Variants in PDZRN3 observed in about 807,000 individuals in gnomAD.
PDZRN3 encodes the protein PDZ domain containing ring finger 3, also known as E3 ubiquitin-protein ligase PDZRN3.
PDZRN3 carries 38 observed loss-of-function variants against 85.7 expected under a neutral mutation model. The ratio of observed to expected loss-of-function variants is 0.44; its 90% CI spans 0.34 to 0.58. The LOEUF (loss-of-function observed/expected upper bound fraction) is 0.58. Ranked by LOEUF, PDZRN3 falls within the 20% of genes least tolerant of loss-of-function variation. PDZRN3 has a pLI of 0.01. For synonymous variants in PDZRN3, 759 were observed against 638.0 expected (o/e 1.19, Z -2.86); for missense variants, 1,629 against 1,506.4 (o/e 1.08, Z -1.35).
intron 3 of PDZRN3, among the ~76,000 whole-genome samples, chr3:73,481,689 T>C (rs1186532237): frequency 6.6e-6 from 1 of 152,152 alleles, no homozygotes; most frequent in Non-Finnish European, 1.5e-5. Flanking sequence ...ACCCATTGAG[T>C]TCATGAGCAG....
intron 1 of PDZRN3, among the ~76,000 whole-genome samples, chr3:73,622,336 G>A (rs1469372602): frequency 2.0e-5 from 3 of 152,244 alleles, no homozygotes; most frequent in Admixed American, 6.5e-5. Flanking sequence ...AGGAAAGGGG[G>A]CTGGGAGAGG....
chr3:73,386,676 C>T (rs900831491), intron 8 of PDZRN3, among the ~76,000 whole-genome samples: 2 of 152,236 alleles, frequency 1.3e-5, no homozygotes, highest in African/African-American at 2.4e-5. Flanking sequence ...GCTGCTTTTG[C>T]ACTAGAGTGA....
At chr3:73,556,270 T>C (rs1701693443) in intron 3 of PDZRN3, among the ~76,000 whole-genome samples, 2 of 152,078 alleles carry the variant, frequency 1.3e-5, no homozygotes, top group African/African-American at 4.8e-5. Flanking sequence ...TTTCCAAAAA[T>C]GGTTTCAGAA....
At chr3:73,415,066 C>T (rs749813257) in intron 3 of PDZRN3, among the ~76,000 whole-genome samples, 13 of 152,178 alleles carry the variant, frequency 8.5e-5, no homozygotes, top group Non-Finnish European at 1.6e-4. Context: ...GCTCAGCACA[C>T]GGCCTGGGGC....
chr3:73,613,700 G>T (rs561115033), intron 1 of PDZRN3, among the ~76,000 whole-genome samples: 20 of 152,088 alleles, frequency 1.3e-4, no homozygotes, highest in African/African-American at 4.3e-4. Context: ...CAGTAACCCC[G>T]ACCCTGAAGA....
At chr3:73,591,947 A>AT (rs1200472110) in intron 3 of PDZRN3, among the ~76,000 whole-genome samples, 3 of 152,148 alleles carry the variant, frequency 2.0e-5, no homozygotes, top group African/African-American at 7.2e-5. Context: ...ATCCTGACCT[A>AT]TCTCATATTA....
At chr3:73,395,575 A>C (rs1471888378) in intron 5 of PDZRN3, among the ~76,000 whole-genome samples, 1 of 152,184 alleles carries the variant, frequency 6.6e-6, no homozygotes, top group Non-Finnish European at 1.5e-5. Context: ...ATTAAAGGGG[A>C]TCTCAAAGAC....
At chr3:73,398,578 C>G (rs1701687594) in intron 5 of PDZRN3, among the ~76,000 whole-genome samples, 1 of 152,190 alleles carries the variant, frequency 6.6e-6, no homozygotes, top group Non-Finnish European at 1.5e-5. Context: ...CAACAGGGTT[C>G]TAGGGAACAG....
intron 3 of PDZRN3, among the ~76,000 whole-genome samples, chr3:73,489,729 T>C (rs1321261794): frequency 6.6e-6 from 1 of 151,960 alleles, no homozygotes; most frequent in Non-Finnish European, 1.5e-5. Flanking sequence ...CCCACCACCA[T>C]GCTGGGCTAA....
intron 3 of PDZRN3, among the ~76,000 whole-genome samples, chr3:73,520,535 A>T (rs1307574307): frequency 6.6e-6 from 1 of 152,204 alleles, no homozygotes; most frequent in Non-Finnish European, 1.5e-5. Flanking sequence ...AGAGTGAACT[A>T]AAGTAAAAGA....
At chr3:73,603,845 CTCCT>C (rs971824666) in intron 2 of PDZRN3, among the ~76,000 whole-genome samples, 1 of 149,936 alleles carries the variant, frequency 6.7e-6, no homozygotes, top group Non-Finnish European at 1.5e-5. Context: ...CAGTCCTTCT[CTCCT>C]TCCTTCTTCA....
chr3:73,596,438 C>T (rs1244501287), intron 3 of PDZRN3, among the ~76,000 whole-genome samples: 2 of 151,844 alleles, frequency 1.3e-5, no homozygotes, highest in Non-Finnish European at 2.9e-5. Context: ...AAAGCATCTA[C>T]CTACAGGATA....
intron 3 of PDZRN3, among the ~76,000 whole-genome samples, chr3:73,467,230 ATT>A (rs1217361341): frequency 6.6e-6 from 1 of 152,152 alleles, no homozygotes; most frequent in Non-Finnish European, 1.5e-5. Context: ...TTAAGTCCTA[ATT>A]TTCATGGGGA....
rs117638126 is a variant in PDZRN3 at position 73,465,703 on chromosome 3, C to T, written c.919-61308G>A. Reference sequence around the variant, plus strand: ...ATCTTTGCCTCAATAAAATTAAGAACGCAGTGTAAGATCCAAATTCCCCCC... The same window carrying T: ...ATCTTTGCCTCAATAAAATTAAGAATGCAGTGTAAGATCCAAATTCCCCCC... On this transcript the variant is annotated intron_variant, in intron 3 of 9. Transcript: ENST00000263666. Among the ~76,000 whole-genome samples the T allele has an allele frequency of 2.1e-3, 317 of 152,298 alleles. 7 individuals carry two copies. In the East Asian group the frequency reaches 0.051, roughly 24 times the overall value.
chr3:73,599,099 T>G (rs1225809732), intron 3 of PDZRN3, among the ~76,000 whole-genome samples: 3 of 152,216 alleles, frequency 2.0e-5, no homozygotes, highest in African/African-American at 7.2e-5. Flanking sequence ...GTTTTACATA[T>G]AAACACAACA....
intron 3 of PDZRN3, among the ~76,000 whole-genome samples, chr3:73,513,899 CTTAT>C (rs1012220652): frequency 5.9e-5 from 9 of 152,296 alleles, no homozygotes; most frequent in Non-Finnish European, 8.8e-5. Flanking sequence ...ATAGAAGAAT[CTTAT>C]TTGTTTCTAT....
intron 3 of PDZRN3, among the ~76,000 whole-genome samples, chr3:73,484,446 A>C (rs1703627102): frequency 6.6e-6 from 1 of 152,056 alleles, no homozygotes; most frequent in Non-Finnish European, 1.5e-5. Flanking sequence ...GCCCCAGAGA[A>C]CAGAGGGAAA....
intron 3 of PDZRN3, among the ~76,000 whole-genome samples, chr3:73,415,517 A>G (rs1009822254): frequency 4.3e-4 from 65 of 152,182 alleles, no homozygotes; most frequent in African/African-American, 1.2e-3. Flanking sequence ...CCAATTTATG[A>G]TGGTTTGACT....
Position 73,443,486 on chromosome 3 carries a change from T to TC in PDZRN3, c.919-39092_919-39091insG, listed in dbSNP as rs1559682571. Among the ~76,000 whole-genome samples the TC allele has an allele frequency of 6.9e-4, 20 of 29,140 alleles. No individual in the cohort carries two copies. The Admixed American group carries it at 8.6e-3, about 13-fold the overall frequency. 19.1% of individuals were successfully genotyped at this position (29,140 alleles called of 152,430 possible). The stretch of plus-strand genomic sequence containing the variant: ...TGATTTATTTTCCTTTTTCTTTTTT[T>TC]TTTTTTTTTTTTGGGGGGGGGACAG... On this transcript the variant is annotated intron_variant, in intron 3 of 9. Coordinates refer to ENST00000263666, the MANE Select transcript of PDZRN3 (RefSeq NM_015009.3).
Sources: allele counts gnomAD v4.1 joint callset (sites outside exome capture counted in the v4.1 genomes callset), GRCh38; gene constraint gnomAD v4.1.1; transcripts MANE v1.5; gene names NCBI Gene and HGNC (gene_info 2026-07-23, HGNC 2026-07-21).